SUCLG2: variants seen among roughly 807,000 people sequenced by gnomAD.
SUCLG2 encodes the protein succinate--CoA ligase [GDP-forming] subunit beta, mitochondrial.
SUCLG2 carries 42 observed loss-of-function variants against 47.9 expected under a neutral mutation model. The ratio of observed to expected loss-of-function variants is 0.88; its 90% CI spans 0.69 to 1.14. The LOEUF (loss-of-function observed/expected upper bound fraction) is 1.14. Among genes scored for constraint, SUCLG2 ranks in the 50% most tolerant of loss-of-function variants. SUCLG2 has a pLI of 0.00. For missense variants in SUCLG2, 571 were observed against 525.9 expected (o/e 1.09, Z -0.84); for synonymous variants, 195 against 197.3 (o/e 0.99, Z 0.10).
At chr3:67,574,546 C>A (rs1443931508) in intron 2 of SUCLG2, among the ~76,000 whole-genome samples, 2 of 152,120 alleles carry the variant, frequency 1.3e-5, no homozygotes, top group East Asian at 1.9e-4. Context: ...GCATACCATG[C>A]ACAAAAATGA....
chr3:67,407,332 C>T (rs1702836860), intron 9 of SUCLG2, among the ~76,000 whole-genome samples: 1 of 152,160 alleles, frequency 6.6e-6, no homozygotes, highest in South Asian at 2.1e-4. Flanking sequence ...ACTTTTCAGA[C>T]ATTACGTTGT....
At chr3:67,497,161 A>C (rs1050942642) in intron 8 of SUCLG2, among the ~76,000 whole-genome samples, 11 of 152,214 alleles carry the variant, frequency 7.2e-5, no homozygotes, top group African/African-American at 1.7e-4. Flanking sequence ...CTCCAATACA[A>C]AGCAAGAGCT....
At chr3:67,598,118 C>A (rs1282119045) in intron 2 of SUCLG2, among the ~76,000 whole-genome samples, 3 of 151,912 alleles carry the variant, frequency 2.0e-5, no homozygotes, top group Admixed American at 6.6e-5. Context: ...GTAGCTGGGA[C>A]TACAGGCGCA....
chr3:67,639,416 C>T (rs540817911), intron 1 of SUCLG2, among the ~76,000 whole-genome samples: 175 of 151,430 alleles, frequency 1.2e-3, no homozygotes, highest in African/African-American at 4.1e-3. Context: ...AAGTGGCTTA[C>T]ATGTCACATT....
chr3:67,625,394 G>A (rs560857076), intron 1 of SUCLG2, among the ~76,000 whole-genome samples: 8 of 152,146 alleles, frequency 5.3e-5, no homozygotes, highest in African/African-American at 1.7e-4. Context: ...TTTCCACCTC[G>A]TCCAGGATCA....
intron 1 of SUCLG2, among the ~76,000 whole-genome samples, chr3:67,616,714 C>T (rs1215377865): frequency 6.6e-6 from 1 of 152,246 alleles, no homozygotes; most frequent in Middle Eastern, 3.4e-3. Context: ...AAGGGCTTGC[C>T]CCTTACTTAA....
In SUCLG2 at chr3:67,516,520, A is replaced by G. The variant is rs978788355; in HGVS notation, c.660+1727T>C. Among the ~76,000 whole-genome samples, 5 of 152,224 alleles carry G rather than the reference A, an allele frequency of 3.3e-5. No homozygotes were observed. In the East Asian group the frequency reaches 7.7e-4, roughly 23 times the overall value. ...GTGGTCAGCAGATTTTGCCCACTCC[A>G]GATTTATTTATCTGCCATGAAAAGC... On this transcript the variant is annotated intron_variant, in intron 6 of 10. Transcript: ENST00000307227.
intron 9 of SUCLG2, among the ~76,000 whole-genome samples, chr3:67,477,983 A>G (rs1575723445): frequency 6.6e-6 from 1 of 152,338 alleles, no homozygotes; most frequent in Middle Eastern, 3.4e-3. Flanking sequence ...ATTAATCACA[A>G]CAAACCTACG....
intron 2 of SUCLG2, among the ~76,000 whole-genome samples, chr3:67,572,397 A>G (rs544077053): frequency 1.4e-4 from 22 of 152,228 alleles, no homozygotes; most frequent in Non-Finnish European, 3.1e-4. Context: ...CAAATACAAG[A>G]AGGAATAAAT....
At chr3:67,462,603 A>G (rs994925750) in intron 9 of SUCLG2, among the ~76,000 whole-genome samples, 5 of 152,166 alleles carry the variant, frequency 3.3e-5, no homozygotes, top group Non-Finnish European at 7.4e-5. Context: ...ACCACACCCT[A>G]TTCATTTCTT....
At chr3:67,607,733 G>A (rs749223426) in intron 2 of SUCLG2, among the ~76,000 whole-genome samples, 1 of 152,198 alleles carries the variant, frequency 6.6e-6, no homozygotes, top group Non-Finnish European at 1.5e-5. Flanking sequence ...GCCAGGGGGA[G>A]ATAACTGAAT....
chr3:67,390,972 T>C (rs1225869068), intron 10 of SUCLG2, among the ~76,000 whole-genome samples: 1 of 152,220 alleles, frequency 6.6e-6, no homozygotes, highest in Non-Finnish European at 1.5e-5. Context: ...GTGTTCATTA[T>C]GACTCCAAGT....
chr3:67,388,525 T>A (rs547290387), intron 10 of SUCLG2, among the ~76,000 whole-genome samples: 100 of 152,328 alleles, frequency 6.6e-4, no homozygotes, highest in African/African-American at 2.4e-3. Flanking sequence ...AACATTGTAT[T>A]GACCATGCCT....
At chr3:67,623,423 C>T (rs868132090) in intron 1 of SUCLG2, among the ~76,000 whole-genome samples, 2 of 152,084 alleles carry the variant, frequency 1.3e-5, no homozygotes, top group Non-Finnish European at 2.9e-5. Flanking sequence ...ATGGCGCGAA[C>T]CCGAGAGGCG....
chr3:67,593,426 T>C (rs1300613185), intron 2 of SUCLG2, among the ~76,000 whole-genome samples: 2 of 152,130 alleles, frequency 1.3e-5, no homozygotes, highest in African/African-American at 2.4e-5. Context: ...ATCCAGCAAA[T>C]AGCATATTCA....
chr3:67,616,983 A>C (rs1315176770), intron 1 of SUCLG2, among the ~76,000 whole-genome samples: 1 of 152,218 alleles, frequency 6.6e-6, no homozygotes, highest in East Asian at 1.9e-4. Context: ...GGGCTGTGGC[A>C]AGTCAAAAGT....
intron 9 of SUCLG2, among the ~76,000 whole-genome samples, chr3:67,402,966 A>G (rs1176853295): frequency 1.3e-5 from 2 of 152,180 alleles, no homozygotes; most frequent in Non-Finnish European, 2.9e-5. Context: ...GGGGCTTGAG[A>G]CCCTGTGATT....
At chr3:67,640,866 A>G (rs1701089989) in intron 1 of SUCLG2, among the ~76,000 whole-genome samples, 1 of 152,162 alleles carries the variant, frequency 6.6e-6, no homozygotes, top group African/African-American at 2.4e-5. Flanking sequence ...TTAGCTTCTG[A>G]TTACCAAAGA....
chr3:67,375,833 T>A lies in SUCLG2; in HGVS notation c.1210A>T (p.Ile404Leu), dbSNP rs546096861. 3.1e-6 allele frequency: 5 copies of A among 1,613,898 alleles called. No homozygotes were observed. In the East Asian group the frequency reaches 1.1e-4, roughly 36 times the overall value. Residue 404 changes from isoleucine to leucine, a missense_variant, in exon 11 of 11, where the codon ATA becomes TTA. Coordinates refer to ENST00000307227, the MANE Select transcript of SUCLG2 (RefSeq NM_003848.4). ...EGTNVQEAQK[I>L]LNNSGLPITS... ...ATGGGGAGTCCGCTGTTGTTGAGTA[T>A]CTTCTGGGCCTCTTGGACGTTGGTT...
Sources: allele counts gnomAD v4.1 joint callset (sites outside exome capture counted in the v4.1 genomes callset), GRCh38; gene constraint gnomAD v4.1.1; transcripts MANE v1.5; gene names NCBI Gene and HGNC (gene_info 2026-07-23, HGNC 2026-07-21).